GLCCI1: variants seen among roughly 807,000 people sequenced by gnomAD.
GLCCI1 encodes the protein glucocorticoid-induced transcript 1 protein.
Under a neutral mutation model 52.2 loss-of-function variants are expected in GLCCI1, and 24 were observed. That is an observed-to-expected ratio of 0.46 (90% CI 0.33 to 0.65). GLCCI1 has a LOEUF of 0.65. Ranked by LOEUF, GLCCI1 falls within the 30% of genes least tolerant of loss-of-function variation. GLCCI1 has a pLI of 0.02. For synonymous variants in GLCCI1, 310 were observed against 276.5 expected (o/e 1.12, Z -1.20); for missense variants, 704 against 701.5 (o/e 1.00, Z -0.04).
At chr7:7,989,087 T>C (rs757280755) in intron 1 of GLCCI1, among the ~76,000 whole-genome samples, 1 of 152,150 alleles carries the variant, frequency 6.6e-6, no homozygotes, top group Non-Finnish European at 1.5e-5. Context: ...CCCTAAATGA[T>C]CAAGTAAAAA....
intron 1 of GLCCI1, among the ~76,000 whole-genome samples, chr7:7,996,788 G>T (rs1424864621): frequency 6.6e-6 from 1 of 152,122 alleles, no homozygotes; most frequent in Non-Finnish European, 1.5e-5. Context: ...TCCAGATTCT[G>T]CAGGGCAGCC....
At chr7:8,022,673 C>A (rs13237185) in intron 3 of GLCCI1, 104 bp downstream of exon 3, 9,624 of 529,102 alleles carry the variant, frequency 0.018, 168 homozygotes, top group East Asian at 0.086. Flanking sequence ...CTAACCTTAC[C>A]TCTTTCAGTA....
chr7:7,996,647 C>G (rs1780943418), intron 1 of GLCCI1, among the ~76,000 whole-genome samples: 1 of 152,170 alleles, frequency 6.6e-6, no homozygotes, highest in Non-Finnish European at 1.5e-5. Flanking sequence ...GAATCATGCC[C>G]AAATAGCTGC....
chr7:8,003,373 A>G (rs1470523365), intron 1 of GLCCI1, among the ~76,000 whole-genome samples: 1 of 152,208 alleles, frequency 6.6e-6, no homozygotes, highest in Non-Finnish European at 1.5e-5. Context: ...TTACCTTTGG[A>G]AAAACACAGG....
chr7:7,973,573 A>C (rs1256107103), intron 1 of GLCCI1, among the ~76,000 whole-genome samples: 1 of 152,098 alleles, frequency 6.6e-6, no homozygotes, highest in Non-Finnish European at 1.5e-5. Flanking sequence ...AACATGGAAG[A>C]GCTTGTAATT....
rs765321287 is a variant in GLCCI1, at chr7:8,086,456, A to G, written c.1562A>G (p.Gln521Arg). Residue 521 changes from glutamine (Q) to arginine (R), a missense_variant, in exon 8 of 8, where the codon CAG (glutamine) becomes CGG (arginine). By Grantham distance (43) the Gln-to-Arg change is conservative. This residue lies in a region of GLCCI1 where 149 missense variants were observed against 152.9 expected (regional missense o/e 0.97). Coordinates refer to ENST00000223145, the MANE Select transcript of GLCCI1 (RefSeq NM_138426.4). This position sits in a 1 kb window ranked among gnomAD's most constrained non-coding sequence, Gnocchi z 4.4. ...STAGSMEASV[Q>R]QPSQQQQLLQ... ...GCGGGCTCCATGGAGGCCTCTGTCC[A>G]GCAGCCATCCCAGCAGCAGCAGCTC... 6.2e-7 allele frequency: 1 copy of G among 1,614,154 alleles called. No individual in the cohort carries two copies. Among genetic ancestry groups the G allele is most frequent in the Middle Eastern group, 1.6e-4 (1 of 6,062 alleles).
At chr7:8,053,351 T>C (rs1401288355) in intron 3 of GLCCI1, among the ~76,000 whole-genome samples, 1 of 142,730 alleles carries the variant, frequency 7.0e-6, no homozygotes, top group Non-Finnish European at 1.5e-5. Flanking sequence ...TTTGAGACAG[T>C]CTCGCACTGT....
intron 3 of GLCCI1, among the ~76,000 whole-genome samples, chr7:8,050,080 G>T (rs949444952): frequency 4.6e-5 from 7 of 152,124 alleles, no homozygotes; most frequent in Non-Finnish European, 1.0e-4. Flanking sequence ...GGGGGTTCGG[G>T]GGTGCGTGGT....
chr7:8,036,898 T>A (rs1781879884), intron 3 of GLCCI1, among the ~76,000 whole-genome samples: 1 of 152,118 alleles, frequency 6.6e-6, no homozygotes, highest in South Asian at 2.1e-4. Context: ...TATGAGATTA[T>A]GTAAAACCTC....
intron 1 of GLCCI1, among the ~76,000 whole-genome samples, chr7:7,995,767 G>A (rs1183732223): frequency 6.6e-6 from 1 of 152,082 alleles, no homozygotes; most frequent in Non-Finnish European, 1.5e-5. Context: ...GGGGAGAGTG[G>A]GGAGGGATAG....
chr7:8,063,084 A>G (rs1006301041), intron 5 of GLCCI1, among the ~76,000 whole-genome samples: 6 of 152,330 alleles, frequency 3.9e-5, no homozygotes, highest in East Asian at 3.9e-4. Flanking sequence ...TCCCACCAGC[A>G]GTGTATAAGC....
intron 1 of GLCCI1, among the ~76,000 whole-genome samples, chr7:7,979,671 A>G (rs941378739): frequency 5.4e-4 from 83 of 152,324 alleles, no homozygotes; most frequent in African/African-American, 1.9e-3. Flanking sequence ...TTAGTGCAGA[A>G]GTCTGAACTG....
chr7:8,016,773 A>G (rs921656719), intron 2 of GLCCI1, among the ~76,000 whole-genome samples: 2 of 152,374 alleles, frequency 1.3e-5, no homozygotes, highest in African/African-American at 2.4e-5. Flanking sequence ...CACAGTATCT[A>G]TGACATAACA....
intron 1 of GLCCI1, among the ~76,000 whole-genome samples, chr7:7,972,207 C>T (rs1780367529): frequency 6.6e-6 from 1 of 152,112 alleles, no homozygotes; most frequent in Non-Finnish European, 1.5e-5. Context: ...AGGTTCCTGC[C>T]GCTGCCACTG....
In GLCCI1 at chr7:7,985,780, T is replaced by A. The variant is rs887307687; in HGVS notation, c.457+15973T>A. ...ATCCTTTCTTCTGAATCATATAATA[T>A]AGTTTTAGAATGGCAATCCTGTTAT... On this transcript the variant is annotated intron_variant, in intron 1 of 7. Coordinates refer to ENST00000223145, the MANE Select transcript of GLCCI1 (RefSeq NM_138426.4). Among the ~76,000 whole-genome samples, 4 of 152,218 alleles carry A rather than the reference T, an allele frequency of 2.6e-5. No individual in the cohort carries two copies. In the South Asian group the frequency reaches 8.3e-4, roughly 31 times the overall value.
chr7:8,013,809 C>A (rs1221141153), intron 2 of GLCCI1, among the ~76,000 whole-genome samples: 1 of 152,068 alleles, frequency 6.6e-6, no homozygotes, highest in African/African-American at 2.4e-5. Flanking sequence ...TTCAACTTGA[C>A]TTTTCTTGTT....
At chr7:7,974,040 C>T (rs1780411859) in intron 1 of GLCCI1, among the ~76,000 whole-genome samples, 1 of 152,032 alleles carries the variant, frequency 6.6e-6, no homozygotes. Context: ...CTTATAGATA[C>T]TTGTTTCAAA....
rs1783114879 is a variant in GLCCI1, at chr7:8,086,725, T to A, written c.*187T>A. ...ATTCAGCAGTTTTTGTGGAAAGCAG[T>A]AATGCTTGCAAAACGTGTGTGTCAT... On this transcript the variant is annotated 3_prime_UTR_variant, in exon 8 of 8. Transcript: ENST00000223145. The surrounding 1 kb of genome is among the most constrained non-coding windows in gnomAD (Gnocchi z 4.4). The A allele has an allele frequency of 1.7e-6, 1 of 579,246 alleles. No homozygotes were observed. The highest frequency in any genetic ancestry group is 3.0e-6 in the Non-Finnish European group (1 of 331,542). The allele number at this position is 579,246 out of a possible 1,614,324, so 35.9% of individuals were successfully genotyped here.
chr7:8,000,042 G>T lies in GLCCI1; in HGVS notation c.458-3866G>T, dbSNP rs1781021309. 2.0e-5 allele frequency among the ~76,000 whole-genome samples: 3 copies of T among 152,200 alleles called. No individual in the cohort carries two copies. The South Asian group carries it at 6.2e-4, about 32-fold the overall frequency. ...TTTCAAATTGTTTGGAGCAATTTAA[G>T]TAGAGGCTCAAGTTATTCACTTAGA... On this transcript the variant is annotated intron_variant, in intron 1 of 7. Transcript: ENST00000223145.
Sources: allele counts gnomAD v4.1 joint callset (sites outside exome capture counted in the v4.1 genomes callset), GRCh38; gene constraint gnomAD v4.1.1; regional missense constraint gnomAD v4.1.1; non-coding constraint Gnocchi (gnomAD v3.1); transcripts MANE v1.5; gene names NCBI Gene and HGNC (gene_info 2026-07-23, HGNC 2026-07-21).